Variants in WDR87 observed in about 807,000 individuals in gnomAD.
WDR87 encodes WD repeat domain 87, also known as WD repeat-containing protein 87.
Under a neutral mutation model 83.3 loss-of-function variants are expected in WDR87, and 56 were observed. That is an observed-to-expected ratio of 0.67 (90% CI 0.54 to 0.84). The LOEUF (loss-of-function observed/expected upper bound fraction) is 0.84, where lower values mean the gene tolerates loss of function less well. Ranked by LOEUF, WDR87 falls within the 40% of genes least tolerant of loss-of-function variation. WDR87 has a pLI of 0.00. For missense variants in WDR87, 2,939 were observed against 3,431.9 expected, an observed-to-expected ratio of 0.86 and a Z score of 3.59; for synonymous variants, 1,173 against 1,250.6, an observed-to-expected ratio of 0.94 and a Z score of 1.31.
rs1177528751 is a variant in WDR87 at position 37,893,392 on chromosome 19, C to G, written c.2311G>C (p.Asp771His). ...CTCACCTGCATCCAATCTTCCATGTCCTGCAAAGAATAATGCATGGAGGAA... is the reference window on the plus strand; with the variant it reads ...CTCACCTGCATCCAATCTTCCATGTGCTGCAAAGAATAATGCATGGAGGAA... ...LRSSMHYSLQ[D>H]MEDWMQVSKR... The change falls in exon 4 of 6, where the codon GAC (aspartate) becomes CAC (histidine). Residue 771 changes from aspartate (D) to histidine (H), a missense_variant. Asp to His is a moderately conservative substitution (Grantham distance 81). Coordinates refer to ENST00000447313, the MANE Select transcript of WDR87 (RefSeq NM_001291088.2). The G allele has an allele frequency of 6.4e-7, 1 of 1,552,174 alleles. No individual in the cohort carries two copies. The highest frequency in any genetic ancestry group is 8.7e-7 in the Non-Finnish European group (1 of 1,147,122).
Position 37,899,088 on chromosome 19 carries a change from G to GTTGTT in WDR87, c.-46-808_-46-804dup, listed in dbSNP as rs147855507. 6.1e-3 allele frequency among the ~76,000 whole-genome samples: 925 copies of GTTGTT among 150,446 alleles called. 4 individuals carry two copies. The highest frequency in any genetic ancestry group is 0.014 in the African/African-American group (576 of 40,746). ...AGGCCCATCAATGAGTTGTTGTTGT[G>GTTGTT]TTGTTTTGTTTTGTTTTGTTTTGTT... On this transcript the variant is annotated intron_variant, in intron 1 of 5. Transcript: ENST00000447313.
chr19:37,897,204 G>T (rs375572621), intron 2 of WDR87, among the ~76,000 whole-genome samples: 33 of 115,252 alleles, frequency 2.9e-4, no homozygotes, highest in South Asian at 8.8e-4. Flanking sequence ...CTGGGATCCT[G>T]TTTTTTTTTT....
Position 37,886,497 on chromosome 19 carries a change from G to T in WDR87, c.7174C>A (p.Gln2392Lys). 1 of 1,510,542 alleles carries T rather than the reference G, an allele frequency of 6.6e-7. No homozygotes were observed. The highest frequency in any genetic ancestry group is 1.3e-5 in the South Asian group (1 of 75,392). The allele number at this position is 1,510,542 out of a possible 1,614,324, so 93.6% of individuals were successfully genotyped here. ...ILKKEKQFKLQEQRRKSLRGR... is the reference protein window; with the variant it reads ...ILKKEKQFKLKEQRRKSLRGR... ...CTTAGGCTCTTTCTTCTTTGTTCTT[G>T]TAACTTAAATTGTTTTTCTTTTTTT... The change falls in exon 6 of 6, where the codon CAA (glutamine) becomes AAA (lysine). Residue 2392 changes from glutamine (Q) to lysine (K), a missense_variant. Gln to Lys is a moderately conservative substitution (Grantham distance 53, BLOSUM62 1). Transcript: ENST00000447313.
At chr19:37,905,935 C>A (rs1353493089) in intron 1 of WDR87, among the ~76,000 whole-genome samples, 2 of 151,158 alleles carry the variant, frequency 1.3e-5, no homozygotes, top group South Asian at 4.1e-4. Context: ...GTCTGGATTT[C>A]TCTTGTGTCT....
In WDR87 at chr19:37,887,592, C is replaced by G; in HGVS notation, c.6079G>C (p.Glu2027Gln). 1.2e-5 allele frequency: 18 copies of G among 1,551,942 alleles called. No homozygotes were observed. The highest frequency in any genetic ancestry group is 1.6e-5 in the Non-Finnish European group (18 of 1,147,036). Residue 2027 changes from glutamate (E) to glutamine (Q), a missense_variant, in exon 6 of 6, where the codon GAG becomes CAG. Coordinates refer to ENST00000447313, the MANE Select transcript of WDR87 (RefSeq NM_001291088.2). ...VEGKETLSKG[E>Q]TPETSRQRKM... ...CTTTGTCTAGAAGTTTCTGGAGTCTCTCCCTTAGACAGTGTTTCTTTTCCC... is the reference window on the plus strand; with the variant it reads ...CTTTGTCTAGAAGTTTCTGGAGTCTGTCCCTTAGACAGTGTTTCTTTTCCC...
Position 37,889,237 on chromosome 19 carries a change from C to T in WDR87, c.4434G>A (p.Glu1478=), listed in dbSNP as rs187689073. The change falls in exon 6 of 6, where the codon GAG becomes GAA. Residue 1478 remains glutamate, a synonymous_variant. Transcript: ENST00000447313. The part of the protein sequence containing the change: ...EEVEEMATLE[E]KVVKQEGKLV... ...GTTTTCCTTCTTGTTTGACCACTTT[C>T]TCCTCTAGTGTGGCCATTTCCTCCA... 20 of 1,552,056 alleles carry T rather than the reference C, an allele frequency of 1.3e-5. 1 individual carries two copies. The Admixed American group carries it at 2.9e-4, about 23-fold the overall frequency.
Position 37,898,154 on chromosome 19 carries a change from A to C in WDR87, c.75+11T>G, listed in dbSNP as rs780657608. 2 of 1,551,610 alleles carry C rather than the reference A, an allele frequency of 1.3e-6. No homozygotes were observed. Among genetic ancestry groups the C allele is most frequent in the Admixed American group, 3.9e-5 (2 of 50,990 alleles). On this transcript the variant is annotated intron_variant, in intron 2 of 5. Coordinates refer to ENST00000447313, the MANE Select transcript of WDR87 (RefSeq NM_001291088.2). ...AACCTATAATATGTTTATGTCCTAC[A>C]TATACATTACCTTGCTTTTATTTAT...
intron 5 of WDR87, among the ~76,000 whole-genome samples, chr19:37,891,105 C>T (rs944063556): frequency 2.6e-5 from 4 of 151,922 alleles, no homozygotes; most frequent in East Asian, 1.9e-4. Context: ...GTCCCTCACC[C>T]GAGAGTGTCT....
rs765969376 is a variant in WDR87, at chr19:37,888,738, CTTCTT to C, written c.4928_4932del (p.Gln1643ArgfsTer22). ...CTCTCTTCCTGGGCCAACTGTCTCT[CTTCTT>C]GTGCAAGTTTCTCTTCTTCTTGTGC... On this transcript the variant is annotated frameshift_variant, in exon 6 of 6. Coordinates refer to ENST00000447313, the MANE Select transcript of WDR87 (RefSeq NM_001291088.2). LOFTEE classifies it low-confidence loss of function (END_TRUNC). The C allele has an allele frequency of 3.2e-6, 5 of 1,551,798 alleles. No homozygotes were observed. Among genetic ancestry groups the C allele is most frequent in the Non-Finnish European group, 3.5e-6 (4 of 1,147,076 alleles).
chr19:37,903,058 G>A (rs2046302579), intron 1 of WDR87, among the ~76,000 whole-genome samples: 1 of 152,218 alleles, frequency 6.6e-6, no homozygotes, highest in African/African-American at 2.4e-5. Context: ...GAAGTGCTTT[G>A]AGTACATATA....
At chr19:37,898,038 G>A in intron 2 of WDR87, 127 bp downstream of exon 2, 1 of 1,047,036 alleles carries the variant, frequency 9.6e-7, no homozygotes, top group Non-Finnish European at 1.4e-6. Flanking sequence ...CTGCTAAGGT[G>A]GTGACTATAG....
rs560397221 is a variant in WDR87 at position 37,898,017 on chromosome 19, T to C, written c.75+148A>G. 1.2e-3 allele frequency: 955 copies of C among 796,176 alleles called. 1 individual carries two copies. Among genetic ancestry groups the C allele is most frequent in the Non-Finnish European group, 1.0e-3 (536 of 527,088 alleles). The allele number at this position is 796,176 out of a possible 1,614,324, so 49.3% of individuals were successfully genotyped here. A position where few individuals can be genotyped will look rare whatever the true frequency, so the allele number is the denominator to read the frequency against. On this transcript the variant is annotated intron_variant, in intron 2 of 5. Transcript: ENST00000447313. The stretch of plus-strand genomic sequence containing the variant: ...GAAGTCTGTGACTCATGGAAATTGA[T>C]GGCCTACCTCCTGCTAAGGTGGTGA...
At chr19:37,891,439 G>A in intron 5 of WDR87, 113 bp downstream of exon 5, 1 of 1,351,740 alleles carries the variant, frequency 7.4e-7, no homozygotes, top group Non-Finnish European at 9.9e-7. Context: ...TGGAATTACA[G>A]GCATGAGCCA....
At position 37,894,896 on chromosome 19, in the gene WDR87, G is replaced by C; in HGVS notation, c.807C>G (p.Ser269Arg). The change falls in exon 4 of 6, where the codon AGC becomes AGG. Residue 269 changes from serine to arginine, a missense_variant. By Grantham distance (110) the Ser-to-Arg change is moderately radical. Coordinates refer to ENST00000447313, the MANE Select transcript of WDR87 (RefSeq NM_001291088.2). ...GNQAGEIQVW[S>R]LQQGHPLHSF... is the part of the protein sequence containing the mutation. Reference sequence around the variant, plus strand: ...TGTGGAGTGGATGGCCCTGCTGGAGGCTCCAAACTTGGATTTCCCCAGCTT... The same window carrying C: ...TGTGGAGTGGATGGCCCTGCTGGAGCCTCCAAACTTGGATTTCCCCAGCTT... The C allele has an allele frequency of 6.4e-7, 1 of 1,551,742 alleles. No individual in the cohort carries two copies.
In WDR87 at chr19:37,900,962, C is replaced by CAAA. The variant is rs878938966; in HGVS notation, c.-46-2680_-46-2678dup. On this transcript the variant is annotated intron_variant, in intron 1 of 5. Coordinates refer to ENST00000447313, the MANE Select transcript of WDR87 (RefSeq NM_001291088.2). ...GCAACATAGTGGGACCCTGTCTCTA[C>CAAA]AAAAAAAAAAAAAAAAAAAAAAAAA... Among the ~76,000 whole-genome samples the CAAA allele has an allele frequency of 8.8e-4, 26 of 29,504 alleles. 1 individual carries two copies. Among genetic ancestry groups the CAAA allele is most frequent in the African/African-American group, 1.7e-3 (19 of 11,096 alleles). 19.4% of individuals were successfully genotyped at this position (29,504 alleles called of 152,430 possible).
chr19:37,906,629 C>T (rs1170535959), upstream of WDR87: 3 of 152,072 alleles, frequency 2.0e-5, no homozygotes, highest in African/African-American at 4.8e-5. Flanking sequence ...GGTTGGCCCC[C>T]AACCCCGCAG....
intron 2 of WDR87, 34 bp downstream of exon 2, chr19:37,898,131 C>G: frequency 6.5e-7 from 1 of 1,550,292 alleles, no homozygotes; most frequent in East Asian, 2.4e-5. Context: ...TAGCAGCCAA[C>G]CTATAATATG....
rs753823770 is a variant in WDR87, at chr19:37,886,768, TTCC to T, written c.6900_6902del (p.Glu2301del). On this transcript the variant is annotated inframe_deletion, in exon 6 of 6. Transcript: ENST00000447313. ...CCTTCCTTTCCTCCTCCTCCTCCCT[TTCC>T]TCCTCCTCCTCCCTTTCCTCTTCTT... is the stretch of plus-strand genomic sequence containing the variant. 7.0e-5 allele frequency: 105 copies of T among 1,506,120 alleles called. No individual in the cohort carries two copies. Among genetic ancestry groups the T allele is most frequent in the African/African-American group, 4.6e-4 (33 of 71,500 alleles). The allele number at this position is 1,506,120 out of a possible 1,614,324, so 93.3% of individuals were successfully genotyped here. A position where few individuals can be genotyped will look rare whatever the true frequency, so the allele number is the denominator to read the frequency against.
chr19:37,888,717 C>A lies in WDR87; in HGVS notation c.4954G>T (p.Glu1652Ter). 4 of 1,551,850 alleles carry A rather than the reference C, an allele frequency of 2.6e-6. No homozygotes were observed. In the South Asian group the frequency reaches 4.8e-5, roughly 18 times the overall value. ...ACGTATGCCTGGGCCAGTTTTCTCT[C>A]TTCCTGGGCCAACTGTCTCTCTTCT... is the stretch of plus-strand genomic sequence containing the variant. ...AQEERQLAQE[E>*]RKLAQAYVKI... is the part of the protein sequence containing the mutation. Residue 1652 changes from glutamate (E) to a stop codon, truncating the protein, a stop_gained, in exon 6 of 6, where the codon GAG (glutamate) becomes TAG (stop). Transcript: ENST00000447313. LOFTEE classifies it low-confidence loss of function (END_TRUNC).
Sources: gnomAD v4.1 joint callset for allele counts (sites outside exome capture counted in the v4.1 genomes callset) on GRCh38, gnomAD v4.1.1 for gene constraint, MANE v1.5 for transcripts, NCBI Gene and HGNC (gene_info 2026-07-23, HGNC 2026-07-21) for gene names.